The following CMSS1 variants were observed in gnomAD, a reference collection of about 807,000 sequenced individuals.
The protein encoded by CMSS1 is cms1 ribosomal small subunit homolog, also known as protein CMSS1.
CMSS1 carries 33 observed loss-of-function variants against 43.5 expected under a neutral mutation model. That is an observed-to-expected ratio of 0.76 (90% CI 0.57 to 1.01). CMSS1 has a LOEUF of 1.01. Ranked by LOEUF, CMSS1 falls within the 50% of genes least tolerant of loss-of-function variation. The pLI, the probability that CMSS1 is intolerant of heterozygous loss-of-function variation, is 0.00. For missense variants in CMSS1, 313 were observed against 326.4 expected (o/e 0.96, Z 0.32); for synonymous variants, 115 against 117.2 (o/e 0.98, Z 0.12).
intron 1 of CMSS1, among the ~76,000 whole-genome samples, chr3:100,089,912 T>A (rs927181683): frequency 6.6e-6 from 1 of 152,190 alleles, no homozygotes; most frequent in East Asian, 1.9e-4. Context: ...ACTGTAGGAA[T>A]TGACTCAGAT....
chr3:100,164,216 T>C (rs545714843), intron 4 of CMSS1, among the ~76,000 whole-genome samples: 3 of 152,354 alleles, frequency 2.0e-5, no homozygotes, highest in Non-Finnish European at 4.4e-5. Flanking sequence ...GGAACTATTC[T>C]AACAAAACCA....
At chr3:99,931,946 C>T (rs1707494752) in intron 1 of CMSS1, among the ~76,000 whole-genome samples, 1 of 151,980 alleles carries the variant, frequency 6.6e-6, no homozygotes, top group Non-Finnish European at 1.5e-5. Context: ...ACTCTTTGTC[C>T]CTACAAATCA....
intron 1 of CMSS1, among the ~76,000 whole-genome samples, chr3:99,979,435 G>A (rs1709057984): frequency 6.6e-6 from 1 of 152,154 alleles, no homozygotes; most frequent in African/African-American, 2.4e-5. Context: ...TTTTCTAATG[G>A]AGTAATTTCT....
chr3:100,073,984 C>T (rs1007795708), intron 1 of CMSS1, among the ~76,000 whole-genome samples: 1 of 148,236 alleles, frequency 6.7e-6, no homozygotes, highest in Non-Finnish European at 1.5e-5. Context: ...CCATGGTTCT[C>T]CTTCCCTTTT....
intron 1 of CMSS1, among the ~76,000 whole-genome samples, chr3:100,001,252 CT>C (rs1709834004): frequency 6.6e-6 from 1 of 152,172 alleles, no homozygotes; most frequent in Admixed American, 6.5e-5. Flanking sequence ...GACCCTTAAT[CT>C]GTTTTTGTAA....
chr3:99,872,279 G>C (rs1250329238), intron 1 of CMSS1, among the ~76,000 whole-genome samples: 1 of 117,424 alleles, frequency 8.5e-6, no homozygotes, highest in African/African-American at 3.6e-5. Flanking sequence ...CTGTGTGTGT[G>C]TGTGTGTGTG....
chr3:99,987,430 G>A (rs1709375334), intron 1 of CMSS1, among the ~76,000 whole-genome samples: 1 of 150,600 alleles, frequency 6.6e-6, no homozygotes, highest in Non-Finnish European at 1.5e-5. Flanking sequence ...TCGGGAGGCT[G>A]AGACAGGAGA....
intron 1 of CMSS1, among the ~76,000 whole-genome samples, chr3:99,926,814 T>C (rs1209311495): frequency 1.3e-5 from 2 of 152,216 alleles, no homozygotes; most frequent in South Asian, 2.1e-4. Flanking sequence ...ATTGTTTTTT[T>C]CCCTTTATAT....
At chr3:100,177,048 C>T (rs530065804) in intron 9 of CMSS1, among the ~76,000 whole-genome samples, 2 of 152,254 alleles carry the variant, frequency 1.3e-5, no homozygotes, top group South Asian at 2.1e-4. Context: ...TTCAATCTAG[C>T]CTGATGCTTC....
intron 1 of CMSS1, among the ~76,000 whole-genome samples, chr3:99,953,447 T>A (rs1708235335): frequency 6.6e-6 from 1 of 152,196 alleles, no homozygotes; most frequent in South Asian, 2.1e-4. Context: ...CAGATGCCTT[T>A]ATGTCACTTT....
intron 1 of CMSS1, among the ~76,000 whole-genome samples, chr3:99,861,487 C>A (rs1449867455): frequency 1.3e-5 from 2 of 152,188 alleles, no homozygotes; most frequent in African/African-American, 4.8e-5. Context: ...CTGGGCTTGT[C>A]CTCAGGTTCC....
intron 1 of CMSS1, among the ~76,000 whole-genome samples, chr3:100,024,688 AGCCTCTCTT>A (rs2064886245): frequency 6.6e-6 from 1 of 152,200 alleles, no homozygotes; most frequent in South Asian, 2.1e-4. Flanking sequence ...GTGACCTTCT[AGCCTCTCTT>A]ATTCAGCATG....
intron 1 of CMSS1, among the ~76,000 whole-genome samples, chr3:100,035,249 G>T (rs2065086715): frequency 6.6e-6 from 1 of 152,074 alleles, no homozygotes; most frequent in East Asian, 1.9e-4. Context: ...TCCATGCTGT[G>T]CGCATATTCC....
At chr3:100,029,060 C>T (rs1164278305) in intron 1 of CMSS1, among the ~76,000 whole-genome samples, 5 of 152,030 alleles carry the variant, frequency 3.3e-5, no homozygotes, top group Non-Finnish European at 7.4e-5. Context: ...AATGGTGGTG[C>T]ATGCCTATTG....
intron 1 of CMSS1, among the ~76,000 whole-genome samples, chr3:99,895,160 G>A (rs1000579610): frequency 3.3e-5 from 5 of 151,912 alleles, no homozygotes; most frequent in African/African-American, 1.2e-4. Context: ...CCCAGAGAAT[G>A]CTTATATATA....
chr3:99,987,883 A>C (rs944122512), intron 1 of CMSS1, among the ~76,000 whole-genome samples: 18 of 152,246 alleles, frequency 1.2e-4, no homozygotes, highest in Non-Finnish European at 4.4e-5. Flanking sequence ...ACAATAATGC[A>C]CATAGTTCTA....
intron 1 of CMSS1, among the ~76,000 whole-genome samples, chr3:100,014,895 CTTT>C (rs1233573719): frequency 4.0e-4 from 10 of 24,994 alleles, no homozygotes; most frequent in Admixed American, 1.7e-3. Flanking sequence ...TTCTTTCTTT[CTTT>C]TTTTTTTTTT....
intron 1 of CMSS1, among the ~76,000 whole-genome samples, chr3:99,835,990 T>C (rs934791251): frequency 4.6e-5 from 7 of 152,156 alleles, no homozygotes; most frequent in Non-Finnish European, 8.8e-5. Flanking sequence ...CTGGTGAAGA[T>C]GTGAGGGTAT....
At chr3:100,128,702 A>G (rs1011217044) in intron 1 of CMSS1, among the ~76,000 whole-genome samples, 2 of 152,224 alleles carry the variant, frequency 1.3e-5, no homozygotes, top group African/African-American at 4.8e-5. Context: ...TCTGACTTCT[A>G]TCGGCATATG....
Sources: allele counts gnomAD v4.1 joint callset (sites outside exome capture counted in the v4.1 genomes callset), GRCh38; gene constraint gnomAD v4.1.1; transcripts MANE v1.5; gene names NCBI Gene and HGNC (gene_info 2026-07-23, HGNC 2026-07-21).